The following ANO2 variants were observed in gnomAD, a reference collection of about 807,000 sequenced individuals.
ANO2 encodes the protein anoctamin-2.
A neutral mutation model predicts 124.2 loss-of-function variants in ANO2; 101 were observed. The ratio of observed to expected loss-of-function variants is 0.81; its 90% CI spans 0.69 to 0.96. The LOEUF is 0.96. Among genes scored for constraint, ANO2 ranks in the 40% least tolerant of loss-of-function variants. ANO2 has a pLI of 0.00. For synonymous variants in ANO2, 486 were observed against 482.5 expected, an observed-to-expected ratio of 1.01 and a Z score of -0.09; for missense variants, 1,293 against 1,274.5, an observed-to-expected ratio of 1.01 and a Z score of -0.22.
chr12:5,927,002 C>T (rs1351525659), intron 1 of ANO2, among the ~76,000 whole-genome samples: 1 of 152,196 alleles, frequency 6.6e-6, no homozygotes, highest in Non-Finnish European at 1.5e-5. Context: ...GAAAAATGCA[C>T]AGGATAATTA....
intron 4 of ANO2, among the ~76,000 whole-genome samples, chr12:5,853,719 T>C (rs1348401188): frequency 6.6e-6 from 1 of 151,608 alleles, no homozygotes; most frequent in Non-Finnish European, 1.5e-5. Flanking sequence ...ACTAAAGAAG[T>C]GTCTGGCTGT....
At chr12:5,934,696 G>C (rs1942575261) in intron 1 of ANO2, among the ~76,000 whole-genome samples, 3 of 152,112 alleles carry the variant, frequency 2.0e-5, no homozygotes, top group Non-Finnish European at 2.9e-5. Flanking sequence ...CTGGTCTGTT[G>C]GCTCATTAAT....
intron 15 of ANO2, among the ~76,000 whole-genome samples, chr12:5,647,120 T>G (rs1169273148): frequency 6.6e-6 from 1 of 152,166 alleles, no homozygotes; most frequent in African/African-American, 2.4e-5. Flanking sequence ...TCCTCTGATT[T>G]TTGCCTTCCC....
intron 11 of ANO2, among the ~76,000 whole-genome samples, chr12:5,748,706 C>A (rs1446874991): frequency 6.6e-6 from 1 of 151,886 alleles, no homozygotes; most frequent in African/African-American, 2.4e-5. Context: ...GTAGATAGTT[C>A]ATAAGTATTA....
At chr12:5,606,128 T>A (rs1474555140) in intron 19 of ANO2, among the ~76,000 whole-genome samples, 2 of 152,152 alleles carry the variant, frequency 1.3e-5, no homozygotes, top group Admixed American at 6.5e-5. Flanking sequence ...GGCCTAGCAA[T>A]GATGGGGGCG....
chr12:5,563,309 G>T lies in ANO2; in HGVS notation c.2987C>A (p.Thr996Asn). Residue 996 changes from threonine (T) to asparagine (N), a missense_variant, in exon 25 of 25, where the codon ACC becomes AAC. Physicochemically the swap from Thr to Asn is moderately conservative, Grantham distance 65. Transcript: ENST00000682330. ...GSMMSSGSQH[T>N]NV Reference sequence around the variant, plus strand: ...TGCAGGCTGAACTGCTCACACATTGGTGTGCTGAGAGCCTGACGACATCAT... The same window carrying T: ...TGCAGGCTGAACTGCTCACACATTGTTGTGCTGAGAGCCTGACGACATCAT... 6.3e-7 allele frequency: 1 copy of T among 1,598,994 alleles called. No homozygotes were observed. The highest frequency in any genetic ancestry group is 8.5e-7 in the Non-Finnish European group (1 of 1,176,440).
Position 5,769,927 on chromosome 12 carries a change from G to A in ANO2, c.1056-18957C>T, listed in dbSNP as rs1003780624. On this transcript the variant is annotated intron_variant, in intron 10 of 24. Transcript: ENST00000682330. This position sits in a 1 kb window ranked among gnomAD's most constrained non-coding sequence, Gnocchi z 4.0. ...ATGTTTGAGCCTCCACTAACCCCTC[G>A]GCTGGGCACCTATGGGCAATGTACA... Among the ~76,000 whole-genome samples the A allele has an allele frequency of 2.6e-5, 4 of 152,120 alleles. No homozygotes were observed. The highest frequency in any genetic ancestry group is 4.4e-5 in the Non-Finnish European group (3 of 68,030).
chr12:5,690,035 G>A (rs957258460), intron 14 of ANO2, among the ~76,000 whole-genome samples: 1 of 152,146 alleles, frequency 6.6e-6, no homozygotes, highest in Non-Finnish European at 1.5e-5. Context: ...GCTCTCCACA[G>A]ACCCTGTACA....
chr12:5,831,410 C>T (rs1469083054), intron 5 of ANO2, among the ~76,000 whole-genome samples: 2 of 152,066 alleles, frequency 1.3e-5, no homozygotes, highest in Admixed American at 1.3e-4. Flanking sequence ...GATGCCAGCA[C>T]CAGCATAAAT....
chr12:5,906,724 G>A (rs1209573876), intron 3 of ANO2, among the ~76,000 whole-genome samples: 2 of 152,088 alleles, frequency 1.3e-5, no homozygotes, highest in Non-Finnish European at 2.9e-5. Context: ...GAACCTGGGA[G>A]GTGGAGGTTG....
At chr12:5,790,669 T>A (rs1952671089) in intron 10 of ANO2, among the ~76,000 whole-genome samples, 1 of 152,170 alleles carries the variant, frequency 6.6e-6, no homozygotes, top group African/African-American at 2.4e-5. Context: ...CACAAAGCTT[T>A]GTGCATTAGT....
intron 16 of ANO2, among the ~76,000 whole-genome samples, chr12:5,620,687 G>A (rs534215418): frequency 7.9e-5 from 12 of 151,976 alleles, no homozygotes; most frequent in South Asian, 2.1e-4. Flanking sequence ...AAAGCCTTCC[G>A]TGATATTCCT....
intron 10 of ANO2, among the ~76,000 whole-genome samples, chr12:5,795,559 A>G (rs944194555): frequency 1.3e-5 from 2 of 152,142 alleles, no homozygotes; most frequent in African/African-American, 2.4e-5. Flanking sequence ...CAGTTCTAGA[A>G]CCCTCTCTTT....
rs1444218189 is a variant in ANO2, at chr12:5,854,935, C to T, written c.535-794G>A. On this transcript the variant is annotated intron_variant, in intron 3 of 24. Transcript: ENST00000682330. ...CACCTCATCTTCAAATAAACATTCA[C>T]TTTTTTTTTTTTTTCAAAACAAGCA... Among the ~76,000 whole-genome samples, 8 of 146,276 alleles carry T rather than the reference C, an allele frequency of 5.5e-5. No individual in the cohort carries two copies. The East Asian group carries it at 9.9e-4, about 18-fold the overall frequency.
chr12:5,618,456 G>A (rs1399286073), intron 16 of ANO2, among the ~76,000 whole-genome samples: 5 of 152,120 alleles, frequency 3.3e-5, no homozygotes, highest in African/African-American at 7.2e-5. Context: ...CTGGGTGAGC[G>A]AGGTATTACA....
intron 14 of ANO2, among the ~76,000 whole-genome samples, chr12:5,648,316 C>G (rs1946746259): frequency 6.6e-6 from 1 of 152,156 alleles, no homozygotes; most frequent in Non-Finnish European, 1.5e-5. Flanking sequence ...GATCTCAGAG[C>G]CTAATCGTTG....
intron 23 of ANO2, among the ~76,000 whole-genome samples, chr12:5,574,774 A>C (rs1413837705): frequency 6.6e-6 from 1 of 152,228 alleles, no homozygotes; most frequent in Non-Finnish European, 1.5e-5. Context: ...ATTTCTCTAA[A>C]CCTTCCCTTT....
intron 14 of ANO2, among the ~76,000 whole-genome samples, chr12:5,714,813 A>T (rs2137044258): frequency 6.6e-6 from 1 of 152,298 alleles, no homozygotes; most frequent in East Asian, 1.9e-4. Context: ...ACCGTCCTAA[A>T]CTATATACAA....
At chr12:5,704,406 C>T (rs1306593994) in intron 14 of ANO2, among the ~76,000 whole-genome samples, 1 of 152,096 alleles carries the variant, frequency 6.6e-6, no homozygotes, top group African/African-American at 2.4e-5. Context: ...TTTATAATAG[C>T]ATAGCTTTTA....
Sources: gnomAD v4.1 joint callset for allele counts (sites outside exome capture counted in the v4.1 genomes callset) on GRCh38, gnomAD v4.1.1 for gene constraint, Gnocchi (gnomAD v3.1) non-coding constraint, MANE v1.5 for transcripts, NCBI Gene and HGNC (gene_info 2026-07-23, HGNC 2026-07-21) for gene names.